Variants in SLC25A13 observed in about 807,000 individuals in gnomAD.
SLC25A13 encodes solute carrier family 25 member 13, also known as electrogenic aspartate/glutamate antiporter SLC25A13, mitochondrial.
In SLC25A13, 70 loss-of-function variants were observed where a neutral mutation model predicts 85.5. The observed-to-expected ratio is 0.82, with a 90% CI of 0.68 to 1.00. SLC25A13 has a LOEUF of 1.00. Ranked by LOEUF, SLC25A13 falls within the 50% of genes least tolerant of loss-of-function variation. The pLI, the probability that SLC25A13 is intolerant of heterozygous loss-of-function variation, is 0.00. For missense variants in SLC25A13, 765 were observed against 819.8 expected, an observed-to-expected ratio of 0.93 and a Z score of 0.82; for synonymous variants, 259 against 288.7, an observed-to-expected ratio of 0.90 and a Z score of 1.04.
chr7:96,168,250 C>T (rs1382050189), intron 13 of SLC25A13, among the ~76,000 whole-genome samples: 2 of 151,348 alleles, frequency 1.3e-5, no homozygotes, highest in Non-Finnish European at 2.9e-5. Flanking sequence ...AAAATAAACT[C>T]TTACTTCTTA....
At chr7:96,214,822 GCAAAACTGATTCTCTAAACACTA>G (rs1162991358) in intron 4 of SLC25A13, among the ~76,000 whole-genome samples, 2 of 151,944 alleles carry the variant, frequency 1.3e-5, no homozygotes, top group Non-Finnish European at 2.9e-5. Flanking sequence ...CAAAATAAGT[GCAAAACTGATTCTCTAAACACTA>G]CAAAACAGCA....
chr7:96,194,723 A>T (rs938873065), intron 5 of SLC25A13, among the ~76,000 whole-genome samples: 2 of 152,210 alleles, frequency 1.3e-5, no homozygotes, highest in Non-Finnish European at 2.9e-5. Flanking sequence ...GAAGAAATAC[A>T]GTATTTGCAA....
chr7:96,174,643 T>C (rs1412438671), intron 11 of SLC25A13, among the ~76,000 whole-genome samples: 1 of 152,134 alleles, frequency 6.6e-6, no homozygotes, highest in Non-Finnish European at 1.5e-5. Context: ...TGTGGATGGG[T>C]TGAAAGCACT....
At position 96,121,197 on chromosome 7, in the gene SLC25A13, G is replaced by C. The variant is rs767600441; in HGVS notation, c.2022C>G (p.Gly674=). The change falls in exon 18 of 18, where the codon GGC becomes GGG. Residue 674 remains glycine (G), a synonymous_variant. Transcript: ENST00000265631. The part of the protein sequence containing the change: ...SVSTSKAIGG[G]P ...TATCCCAGGGCTGATCTTCCTATGG[G>C]CCTCCACCAATAGCCTTTGAGGTAG... The C allele has an allele frequency of 6.2e-7, 1 of 1,614,138 alleles. No individual in the cohort carries two copies. Among genetic ancestry groups the C allele is most frequent in the South Asian group, 1.1e-5 (1 of 91,080 alleles).
At chr7:96,196,684 G>A (rs796900383) in intron 5 of SLC25A13, among the ~76,000 whole-genome samples, 67 of 152,250 alleles carry the variant, frequency 4.4e-4, no homozygotes, top group African/African-American at 1.6e-3. Context: ...TTAAAGATTG[G>A]GGGCATTATA....
intron 2 of SLC25A13, among the ~76,000 whole-genome samples, chr7:96,288,284 G>A (rs893565530): frequency 7.9e-5 from 12 of 152,170 alleles, no homozygotes; most frequent in African/African-American, 2.7e-4. Context: ...ACAAAAATTG[G>A]TGGATGGTTC....
chr7:96,153,946 C>T (rs898406173), intron 13 of SLC25A13, among the ~76,000 whole-genome samples: 1 of 152,124 alleles, frequency 6.6e-6, no homozygotes, highest in Admixed American at 6.5e-5. Flanking sequence ...GGCACATAAA[C>T]ATTTGAATGA....
At chr7:96,278,615 A>G (rs1798548895) in intron 2 of SLC25A13, among the ~76,000 whole-genome samples, 1 of 152,220 alleles carries the variant, frequency 6.6e-6, no homozygotes. Context: ...GACTGATGCT[A>G]GAAATATTTA....
At chr7:96,237,702 A>G (rs1317131579) in intron 3 of SLC25A13, among the ~76,000 whole-genome samples, 2 of 152,228 alleles carry the variant, frequency 1.3e-5, no homozygotes, top group Non-Finnish European at 2.9e-5. Flanking sequence ...AAGAAAGGCT[A>G]GAGAAACACA....
chr7:96,133,383 C>CAGGT (rs371468553), intron 14 of SLC25A13, among the ~76,000 whole-genome samples: 102 of 152,300 alleles, frequency 6.7e-4, no homozygotes, highest in African/African-American at 2.2e-3. Flanking sequence ...ACGTCCTGGA[C>CAGGT]AGGTAATCTA....
At chr7:96,299,182 C>T (rs1254259045) in intron 1 of SLC25A13, among the ~76,000 whole-genome samples, 1 of 152,136 alleles carries the variant, frequency 6.6e-6, no homozygotes, top group African/African-American at 2.4e-5. Context: ...TCAGAGTGAA[C>T]CTCCCCTGCC....
intron 4 of SLC25A13, among the ~76,000 whole-genome samples, chr7:96,231,237 A>C (rs1392585381): frequency 6.6e-6 from 1 of 152,224 alleles, no homozygotes; most frequent in Admixed American, 6.5e-5. Context: ...AATTGCAATA[A>C]AAACAAAAAT....
intron 13 of SLC25A13, among the ~76,000 whole-genome samples, chr7:96,161,929 G>T: frequency 6.6e-6 from 1 of 151,964 alleles, no homozygotes; most frequent in Non-Finnish European, 1.5e-5. Context: ...AAAGATACAA[G>T]CATTAAAAAA....
At chr7:96,293,743 C>A (rs1799223627) in intron 2 of SLC25A13, among the ~76,000 whole-genome samples, 1 of 152,114 alleles carries the variant, frequency 6.6e-6, no homozygotes, top group African/African-American at 2.4e-5. Flanking sequence ...CCATCTCACA[C>A]CAGTTAGAAT....
At chr7:96,308,019 G>A (rs1799818018) in intron 1 of SLC25A13, among the ~76,000 whole-genome samples, 1 of 152,058 alleles carries the variant, frequency 6.6e-6, no homozygotes, top group Non-Finnish European at 1.5e-5. Context: ...CGGGCACGGT[G>A]GCACATGCCT....
chr7:96,223,789 GAAAAAA>G (rs56882933), intron 4 of SLC25A13, among the ~76,000 whole-genome samples: 3 of 94,210 alleles, frequency 3.2e-5, no homozygotes, highest in Non-Finnish European at 6.7e-5. Flanking sequence ...CTCCATCTCT[GAAAAAA>G]AAAAAAAAAA....
At chr7:96,312,624 G>A (rs1162600784) in intron 1 of SLC25A13, among the ~76,000 whole-genome samples, 2 of 88,560 alleles carry the variant, frequency 2.3e-5, no homozygotes, top group African/African-American at 3.8e-5. Context: ...CACAGTGTAG[G>A]CACTGACAAA....
chr7:96,181,880 T>C (rs1794433255), intron 11 of SLC25A13, among the ~76,000 whole-genome samples: 1 of 152,222 alleles, frequency 6.6e-6, no homozygotes, highest in Non-Finnish European at 1.5e-5. Flanking sequence ...TCTGGAATAA[T>C]ATAATTTTAA....
intron 13 of SLC25A13, among the ~76,000 whole-genome samples, chr7:96,168,129 A>AG (rs1793846126): frequency 7.0e-6 from 1 of 143,570 alleles, no homozygotes; most frequent in Non-Finnish European, 1.5e-5. Context: ...AAAAAAAAAA[A>AG]GCACGTGTGC....
Sources: gnomAD v4.1 joint callset for allele counts (sites outside exome capture counted in the v4.1 genomes callset) on GRCh38, gnomAD v4.1.1 for gene constraint, MANE v1.5 for transcripts, NCBI Gene and HGNC (gene_info 2026-07-23, HGNC 2026-07-21) for gene names.